Variants in JAZF1 observed in about 807,000 individuals in gnomAD.
The protein encoded by JAZF1 is juxtaposed with another zinc finger protein 1.
A neutral mutation model predicts 26.4 loss-of-function variants in JAZF1; 8 were observed. The observed-to-expected ratio is 0.30, with a 90% CI of 0.18 to 0.55. JAZF1 has a LOEUF of 0.55. JAZF1 is among the 20% of genes least tolerant of loss of function. The pLI, the probability that JAZF1 is intolerant of heterozygous loss-of-function variation, is 0.94. For missense variants in JAZF1, 199 were observed against 322.0 expected (o/e 0.62, Z 2.92); for synonymous variants, 126 against 122.3 (o/e 1.03, Z -0.20).
At chr7:28,168,325 T>C (rs1392131309) in intron 1 of JAZF1, among the ~76,000 whole-genome samples, 5 of 136,152 alleles carry the variant, frequency 3.7e-5, no homozygotes, top group Non-Finnish European at 7.5e-5. Context: ...GAGTTTGCAG[T>C]GAGCTGCGAC....
In JAZF1 at chr7:27,831,600, G is replaced by T. The variant is rs1034521433; in HGVS notation, c.*1200C>A. The T allele has an allele frequency of 1.4e-4, 32 of 225,576 alleles. No individual in the cohort carries two copies. Among genetic ancestry groups the T allele is most frequent in the Admixed American group, 1.4e-3 (24 of 17,514 alleles). 14.0% of individuals were successfully genotyped at this position (225,576 alleles called of 1,614,324 possible). A position where few individuals can be genotyped will look rare whatever the true frequency, so the allele number is the denominator to read the frequency against. ...CAAGAAGCACTTAATTGTCAATAAG[G>T]CTCATTTTCCTATTTCAGCAAAGTG... is the stretch of plus-strand genomic sequence containing the variant. On this transcript the variant is annotated 3_prime_UTR_variant, in exon 5 of 5. Transcript: ENST00000283928.
Position 28,120,721 on chromosome 7 carries a change from G to A in JAZF1, c.115+59742C>T, listed in dbSNP as rs1021365875. On this transcript the variant is annotated intron_variant, in intron 1 of 4. Coordinates refer to ENST00000283928, the MANE Select transcript of JAZF1 (RefSeq NM_175061.4). ...TTATTTGGAGCTTCTCCCCAGATGA[G>A]GCCTAACTAAGCTGGGAAGCCACCC... Among the ~76,000 whole-genome samples, 17 of 152,006 alleles carry A rather than the reference G, an allele frequency of 1.1e-4. 1 individual carries two copies. Among genetic ancestry groups the A allele is most frequent in the Admixed American group, 9.8e-4 (15 of 15,266 alleles).
intron 1 of JAZF1, among the ~76,000 whole-genome samples, chr7:28,130,086 G>A (rs1427949443): frequency 6.6e-6 from 1 of 151,986 alleles, no homozygotes; most frequent in Non-Finnish European, 1.5e-5. Context: ...CTAAAAATTT[G>A]TTTTTATTAA....
intron 1 of JAZF1, among the ~76,000 whole-genome samples, chr7:28,006,841 G>T (rs981792990): frequency 6.6e-6 from 1 of 152,128 alleles, no homozygotes; most frequent in Middle Eastern, 3.2e-3. Context: ...TAAATTGCCA[G>T]GTGGCCTTTC....
chr7:28,134,239 A>T (rs747253343), intron 1 of JAZF1, among the ~76,000 whole-genome samples: 12 of 152,196 alleles, frequency 7.9e-5, no homozygotes, highest in Admixed American at 2.0e-4. Flanking sequence ...GCCAATAATC[A>T]TCTCCAACTA....
chr7:28,176,319 G>A (rs1045173343), intron 1 of JAZF1, among the ~76,000 whole-genome samples: 1 of 152,208 alleles, frequency 6.6e-6, no homozygotes, highest in African/African-American at 2.4e-5. Flanking sequence ...ACTGAATTGG[G>A]TCAGATTCCT....
chr7:27,847,566 C>T (rs752484267), intron 3 of JAZF1, among the ~76,000 whole-genome samples: 1 of 152,166 alleles, frequency 6.6e-6, no homozygotes, highest in Non-Finnish European at 1.5e-5. Context: ...TCCCTCTGTG[C>T]CCTCGTCAAA....
intron 2 of JAZF1, among the ~76,000 whole-genome samples, chr7:27,949,039 G>A (rs1423176469): frequency 2.0e-5 from 3 of 152,134 alleles, no homozygotes; most frequent in African/African-American, 7.2e-5. Context: ...CCTGCTGTCA[G>A]CCACACCCTC....
At chr7:28,087,873 T>C (rs1784234228) in intron 1 of JAZF1, among the ~76,000 whole-genome samples, 2 of 152,216 alleles carry the variant, frequency 1.3e-5, no homozygotes, top group African/African-American at 4.8e-5. Flanking sequence ...AGGAAAAAAA[T>C]AGTCAAAATC....
chr7:28,070,025 A>G (rs1168542626), intron 1 of JAZF1, among the ~76,000 whole-genome samples: 3 of 152,090 alleles, frequency 2.0e-5, no homozygotes, highest in African/African-American at 7.2e-5. Flanking sequence ...GGCACACTGC[A>G]CTTTGTAAAA....
At chr7:28,078,523 T>A (rs1227637847) in intron 1 of JAZF1, among the ~76,000 whole-genome samples, 1 of 152,230 alleles carries the variant, frequency 6.6e-6, no homozygotes, top group Non-Finnish European at 1.5e-5. Context: ...AAAATTATTT[T>A]GTGAACTGAA....
intron 3 of JAZF1, among the ~76,000 whole-genome samples, chr7:27,859,030 A>C (rs1783326720): frequency 6.6e-6 from 1 of 152,192 alleles, no homozygotes; most frequent in South Asian, 2.1e-4. Context: ...AATTTACAAG[A>C]AAAAAACAAA....
chr7:28,145,011 A>G (rs970254317), intron 1 of JAZF1, among the ~76,000 whole-genome samples: 3 of 152,202 alleles, frequency 2.0e-5, no homozygotes, highest in Admixed American at 2.0e-4. Context: ...TTTAAAAATC[A>G]TTTTCTACAG....
chr7:28,051,026 G>A (rs1783603546), intron 1 of JAZF1, among the ~76,000 whole-genome samples: 1 of 151,296 alleles, frequency 6.6e-6, no homozygotes, highest in African/African-American at 2.4e-5. Flanking sequence ...CAGTTACCTG[G>A]GAGGCTGAGA....
At chr7:27,932,546 G>T (rs1784701923) in intron 2 of JAZF1, among the ~76,000 whole-genome samples, 1 of 152,136 alleles carries the variant, frequency 6.6e-6, no homozygotes, top group South Asian at 2.1e-4. Context: ...ATGAAATACA[G>T]ACTTTTAAAA....
chr7:27,910,162 C>T (rs548947039), intron 2 of JAZF1, among the ~76,000 whole-genome samples: 3 of 152,314 alleles, frequency 2.0e-5, no homozygotes, highest in African/African-American at 7.2e-5. Context: ...AAATGGTATG[C>T]TGTCTTGCAC....
At chr7:28,176,067 CTGT>C in intron 1 of JAZF1, among the ~76,000 whole-genome samples, 1 of 152,134 alleles carries the variant, frequency 6.6e-6, no homozygotes, top group Non-Finnish European at 1.5e-5. Flanking sequence ...AAATGAAGCA[CTGT>C]AGGTTTATTA....
intron 1 of JAZF1, among the ~76,000 whole-genome samples, chr7:28,014,853 A>C (rs1782858276): frequency 6.6e-6 from 1 of 152,202 alleles, no homozygotes; most frequent in Non-Finnish European, 1.5e-5. Context: ...CTGAAAACAC[A>C]GTCTGTTATT....
At chr7:27,988,671 C>A (rs1785815459) in intron 2 of JAZF1, among the ~76,000 whole-genome samples, 1 of 151,962 alleles carries the variant, frequency 6.6e-6, no homozygotes, top group East Asian at 1.9e-4. Flanking sequence ...TTTTAAAAGA[C>A]CTTGCCAATG....
Sources: allele counts gnomAD v4.1 joint callset (sites outside exome capture counted in the v4.1 genomes callset), GRCh38; gene constraint gnomAD v4.1.1; transcripts MANE v1.5; gene names NCBI Gene and HGNC (gene_info 2026-07-23, HGNC 2026-07-21).